NAV2: variants seen among roughly 807,000 people sequenced by gnomAD.
The protein encoded by NAV2 is neuron navigator 2.
Under a neutral mutation model 223.2 loss-of-function variants are expected in NAV2, and 54 were observed. The ratio of observed to expected loss-of-function variants is 0.24; its 90% CI spans 0.19 to 0.30. NAV2 has a LOEUF of 0.30. NAV2 is among the 10% of genes least tolerant of loss of function. The pLI is 1.00. For synonymous variants in NAV2, 1,279 were observed against 1,239.3 expected (o/e 1.03, Z -0.67); for missense variants, 2,806 against 3,147.5 (o/e 0.89, Z 2.60).
intron 1 of NAV2, among the ~76,000 whole-genome samples, chr11:19,580,873 A>G (rs1335979855): frequency 1.3e-5 from 2 of 152,220 alleles, no homozygotes; most frequent in Non-Finnish European, 2.9e-5. Context: ...TATTTTTCAA[A>G]GTGACTGTAA....
chr11:19,906,501 T>A (rs1202960316), intron 6 of NAV2, among the ~76,000 whole-genome samples: 2 of 152,186 alleles, frequency 1.3e-5, no homozygotes, highest in Non-Finnish European at 2.9e-5. Context: ...TTTGTGTTGA[T>A]GGATTGATTT....
chr11:19,574,507 A>C (rs7950134), intron 1 of NAV2, among the ~76,000 whole-genome samples: 2,349 of 152,202 alleles, frequency 0.015, 70 homozygotes, highest in African/African-American at 0.053. Context: ...CCGTGGGCTC[A>C]TGGGTAATGA....
chr11:19,396,727 G>A (rs540549928), intron 1 of NAV2, among the ~76,000 whole-genome samples: 6 of 152,314 alleles, frequency 3.9e-5, no homozygotes, highest in African/African-American at 1.4e-4. Context: ...GGGGCCTCCA[G>A]TTCGTATTTG....
At chr11:19,791,119 G>T (rs1024994630) in intron 1 of NAV2, among the ~76,000 whole-genome samples, 1 of 152,108 alleles carries the variant, frequency 6.6e-6, no homozygotes, top group Non-Finnish European at 1.5e-5. Flanking sequence ...TTCAAACCCA[G>T]AACAATCTGG....
intron 1 of NAV2, among the ~76,000 whole-genome samples, chr11:19,694,261 T>C (rs2049263937): frequency 6.6e-6 from 1 of 152,236 alleles, no homozygotes; most frequent in Non-Finnish European, 1.5e-5. Context: ...TGGGGAGTTC[T>C]GGAGCTTAAA....
At chr11:19,740,120 A>G (rs1313404128) in intron 1 of NAV2, among the ~76,000 whole-genome samples, 20 of 152,218 alleles carry the variant, frequency 1.3e-4, no homozygotes, top group Admixed American at 1.3e-3. Flanking sequence ...ACCCTGTGAC[A>G]TGCTGGAAGG....
At chr11:19,436,813 G>A (rs1017428512) in intron 1 of NAV2, among the ~76,000 whole-genome samples, 6 of 151,918 alleles carry the variant, frequency 3.9e-5, no homozygotes, top group African/African-American at 1.5e-4. Context: ...TTCATTTCCT[G>A]GGTTAAATCT....
rs549014123 is a variant in NAV2, at chr11:19,515,617, G to A, written c.75+164590G>A. On this transcript the variant is annotated intron_variant, in intron 1 of 37. Coordinates refer to the NAV2 transcript ENST00000360655. ...CCCAGATGCTAATTGCTCTTCAGCA[G>A]CATCTTAAATAGTTTGACAACCCAG... Among the ~76,000 whole-genome samples, 5 of 152,244 alleles carry A rather than the reference G, an allele frequency of 3.3e-5. No individual in the cohort carries two copies. In the South Asian group the frequency reaches 1.0e-3, roughly 32 times the overall value.
chr11:19,969,571 A>G (rs73432266), intron 10 of NAV2, among the ~76,000 whole-genome samples: 4,881 of 152,214 alleles, frequency 0.032, 270 homozygotes, highest in African/African-American at 0.11. Flanking sequence ...GCTTAACTCT[A>G]TATAAACTAT....
chr11:20,021,061 C>A (rs1271733947), intron 11 of NAV2, among the ~76,000 whole-genome samples: 4 of 152,336 alleles, frequency 2.6e-5, no homozygotes, highest in East Asian at 3.9e-4. Context: ...CCTCAGCAGA[C>A]CTGCCATAGC....
intron 1 of NAV2, among the ~76,000 whole-genome samples, chr11:19,435,577 T>G (rs1452807778): frequency 6.6e-6 from 1 of 152,184 alleles, no homozygotes; most frequent in Non-Finnish European, 1.5e-5. Context: ...TTCAATTCCT[T>G]TGAGTATATA....
chr11:19,893,137 T>C (rs2041651817), intron 6 of NAV2, among the ~76,000 whole-genome samples: 1 of 64,088 alleles, frequency 1.6e-5, no homozygotes, highest in Non-Finnish European at 3.1e-5. Flanking sequence ...CATAAAAGGA[T>C]ATGGATTTTT....
intron 1 of NAV2, among the ~76,000 whole-genome samples, chr11:19,465,221 C>T (rs1377158349): frequency 6.6e-6 from 1 of 152,068 alleles, no homozygotes; most frequent in Non-Finnish European, 1.5e-5. Flanking sequence ...GAGGTTGTGT[C>T]GGCGTGGATG....
At position 20,045,458 on chromosome 11, in the gene NAV2, G is replaced by A. The variant is rs1159835273; in HGVS notation, c.3690G>A (p.Leu1230=). The A allele has an allele frequency of 1.9e-6, 3 of 1,614,062 alleles. No homozygotes were observed. ...CCGCAGGCCTGCCAGTGCCCAAACT[G>A]AGGGAGCCTTCCAAAACAGCCCTAG... ...SKSAGLPVPK[L]REPSKTALGS... is the part of the protein sequence containing the mutation. Residue 1230 remains leucine (L), a synonymous_variant, in exon 14 of 38, where the codon CTG becomes CTA. Transcript: ENST00000349880.
chr11:19,483,140 T>A (rs2042332167), intron 1 of NAV2, among the ~76,000 whole-genome samples: 1 of 152,248 alleles, frequency 6.6e-6, no homozygotes, highest in African/African-American at 2.4e-5. Flanking sequence ...TGTAGGCAAG[T>A]AAGTACTATT....
chr11:19,784,362 TG>T (rs1407845192), intron 1 of NAV2, among the ~76,000 whole-genome samples: 1 of 114,132 alleles, frequency 8.8e-6, no homozygotes, highest in Non-Finnish European at 1.6e-5. Context: ...CACTCCAGCC[TG>T]GGCAACAAGA....
intron 3 of NAV2, among the ~76,000 whole-genome samples, chr11:19,852,796 G>T (rs2061220927): frequency 6.6e-6 from 1 of 152,180 alleles, no homozygotes; most frequent in African/African-American, 2.4e-5. Context: ...GAAGTGCTCA[G>T]CTAATTTTTC....
In NAV2 at chr11:20,045,280, G is replaced by A. The variant is rs746176732; in HGVS notation, c.3512G>A (p.Gly1171Glu). 1.2e-6 allele frequency: 2 copies of A among 1,614,160 alleles called. No homozygotes were observed. The highest frequency in any genetic ancestry group is 1.7e-5 in the Admixed American group (1 of 60,022). Residue 1171 changes from glycine to glutamate, a missense_variant, in exon 14 of 38, where the codon GGG becomes GAG. Physicochemically the swap from Gly to Glu is moderately conservative, Grantham distance 98 (BLOSUM62 -2). This residue lies in a region of NAV2 where 742 missense variants were observed against 777.9 expected (regional missense o/e 0.95). Coordinates refer to ENST00000349880, the MANE Select transcript of NAV2 (RefSeq NM_145117.5). Reference protein sequence around the residue: ...RSAGRKSSMDGAQNQDDGYLA... With the variant: ...RSAGRKSSMDEAQNQDDGYLA... The stretch of plus-strand genomic sequence containing the variant: ...GCTGGTCGGAAGTCAAGTATGGATG[G>A]GGCTCAGAATCAGGATGACGGGTAT...
intron 14 of NAV2, among the ~76,000 whole-genome samples, chr11:20,047,155 C>T (rs2153592104): frequency 6.6e-6 from 1 of 152,122 alleles, no homozygotes; most frequent in South Asian, 2.1e-4. Context: ...TGTTTCTTGC[C>T]TCAAGTATTA....
Sources: gnomAD v4.1 joint callset for allele counts (sites outside exome capture counted in the v4.1 genomes callset) on GRCh38, gnomAD v4.1.1 for gene constraint, gnomAD v4.1.1 regional missense constraint, MANE v1.5 for transcripts, NCBI Gene and HGNC (gene_info 2026-07-23, HGNC 2026-07-21) for gene names.